GRM1: variants seen among roughly 807,000 people sequenced by gnomAD.
GRM1 encodes metabotropic glutamate receptor 1.
In GRM1, 33 loss-of-function variants were observed where a neutral mutation model predicts 90.9. The observed-to-expected ratio is 0.36, with a 90% CI of 0.28 to 0.49. The LOEUF is 0.49. Among genes scored for constraint, GRM1 ranks in the 20% least tolerant of loss-of-function variants. GRM1 has a pLI of 0.99. For synonymous variants in GRM1, 700 were observed against 613.2 expected (o/e 1.14, Z -2.09); for missense variants, 1,190 against 1,534.3 (o/e 0.78, Z 3.75).
At chr6:146,340,049 C>T (rs527590646) in intron 3 of GRM1, among the ~76,000 whole-genome samples, 19 of 152,284 alleles carry the variant, frequency 1.2e-4, no homozygotes, top group Admixed American at 1.2e-3. Flanking sequence ...GACTATGACT[C>T]AGCAGTCGTT....
At chr6:146,245,376 G>A (rs1781020890) in intron 2 of GRM1, among the ~76,000 whole-genome samples, 1 of 152,040 alleles carries the variant, frequency 6.6e-6, no homozygotes, top group Non-Finnish European at 1.5e-5. Context: ...CAAAACATTA[G>A]GCATGAAATT....
chr6:146,215,624 T>G (rs1456724413), intron 2 of GRM1, among the ~76,000 whole-genome samples: 8 of 149,672 alleles, frequency 5.3e-5, no homozygotes, highest in Admixed American at 5.3e-4. Flanking sequence ...TTTAAAAATG[T>G]GTTTTATCAT....
chr6:146,205,672 C>A (rs1779470500), intron 2 of GRM1, among the ~76,000 whole-genome samples: 1 of 152,166 alleles, frequency 6.6e-6, no homozygotes, highest in Non-Finnish European at 1.5e-5. Flanking sequence ...TTAGAAATGG[C>A]ACATTAAAAC....
In GRM1 at chr6:146,122,816, TTTTTCTTTC is replaced by T. The variant is rs1776039917; in HGVS notation, c.701-36523_701-36515del. ...AAGTTTTCTGTGATTTCTTTTTTTC[TTTTTCTTTC>T]TTTTCTTTTCTTTCTTTTTTTTTTT... is the stretch of plus-strand genomic sequence containing the variant. On this transcript the variant is annotated intron_variant, in intron 1 of 7. Coordinates refer to ENST00000282753, the MANE Select transcript of GRM1 (RefSeq NM_001278064.2). 2.7e-5 allele frequency among the ~76,000 whole-genome samples: 4 copies of T among 150,272 alleles called. No homozygotes were observed. The South Asian group carries it at 8.4e-4, about 31-fold the overall frequency.
intron 3 of GRM1, among the ~76,000 whole-genome samples, chr6:146,349,279 C>T (rs1785303565): frequency 1.3e-5 from 2 of 148,834 alleles, no homozygotes; most frequent in Admixed American, 1.3e-4. Context: ...TACGGGGTTT[C>T]ACTGTGTTTG....
At chr6:146,085,956 GT>G (rs1230616202) in intron 1 of GRM1, among the ~76,000 whole-genome samples, 24 of 152,118 alleles carry the variant, frequency 1.6e-4, no homozygotes. Context: ...ATTTGAGAAA[GT>G]TATTGCTTTG....
chr6:146,309,141 G>A (rs1271753359), intron 3 of GRM1, among the ~76,000 whole-genome samples: 1 of 152,132 alleles, frequency 6.6e-6, no homozygotes, highest in African/African-American at 2.4e-5. Flanking sequence ...GCTCATGCCT[G>A]TAATCTCAGT....
At chr6:146,051,358 T>A (rs1775282714) in intron 1 of GRM1, among the ~76,000 whole-genome samples, 1 of 152,042 alleles carries the variant, frequency 6.6e-6, no homozygotes, top group African/African-American at 2.4e-5. Context: ...TGGAAGTGAC[T>A]TCCCCTCCAT....
intron 1 of GRM1, among the ~76,000 whole-genome samples, chr6:146,130,026 G>GA (rs562458428): frequency 7.2e-5 from 11 of 151,730 alleles, no homozygotes; most frequent in East Asian, 1.9e-4. Flanking sequence ...GCAATTGTAG[G>GA]AAAAAAATGC....
intron 1 of GRM1, among the ~76,000 whole-genome samples, chr6:146,118,541 A>G (rs1470178572): frequency 6.6e-6 from 1 of 152,196 alleles, no homozygotes; most frequent in Non-Finnish European, 1.5e-5. Context: ...GCACCCACCC[A>G]TTAACTCGTC....
At chr6:146,093,613 T>C (rs1776780544) in intron 1 of GRM1, among the ~76,000 whole-genome samples, 1 of 152,098 alleles carries the variant, frequency 6.6e-6, no homozygotes, top group African/African-American at 2.4e-5. Flanking sequence ...CCTCTCTTTT[T>C]TTCTTTTATT....
chr6:146,089,688 G>C (rs926184370), intron 1 of GRM1, among the ~76,000 whole-genome samples: 1 of 152,034 alleles, frequency 6.6e-6, no homozygotes, highest in African/African-American at 2.4e-5. Context: ...TTTAATAGGT[G>C]ATGCCAGGTT....
At chr6:146,081,402 C>G (rs1776360254) in intron 1 of GRM1, among the ~76,000 whole-genome samples, 1 of 152,114 alleles carries the variant, frequency 6.6e-6, no homozygotes, top group Admixed American at 6.5e-5. Flanking sequence ...AAAAGAGCAG[C>G]CCTGCAGTAC....
At chr6:146,203,661 C>T (rs1447144792) in intron 2 of GRM1, among the ~76,000 whole-genome samples, 2 of 152,082 alleles carry the variant, frequency 1.3e-5, no homozygotes, top group Non-Finnish European at 1.5e-5. Flanking sequence ...CTTGATGGCA[C>T]CCAAGATAAT....
chr6:146,082,528 G>T (rs1776399513), intron 1 of GRM1, among the ~76,000 whole-genome samples: 1 of 152,056 alleles, frequency 6.6e-6, no homozygotes, highest in Non-Finnish European at 1.5e-5. Context: ...TTTGAAGTAA[G>T]AATCCCATGT....
chr6:146,260,804 G>GTTTTTTTT lies in GRM1; in HGVS notation c.951-43781_951-43774dup, dbSNP rs56956724. ...CCCATTTTTTAATTAGGTTATTTGG[G>GTTTTTTTT]TTTTTTTTTTTTTTTTTTTTTTTTT... On this transcript the variant is annotated intron_variant, in intron 2 of 7. Transcript: ENST00000282753. 1.8e-3 allele frequency among the ~76,000 whole-genome samples: 40 copies of GTTTTTTTT among 22,740 alleles called. 3 individuals are homozygous for GTTTTTTTT. The highest frequency in any genetic ancestry group is 3.2e-3 in the African/African-American group (19 of 5,910). 14.9% of individuals were successfully genotyped at this position (22,740 alleles called of 152,430 possible). A position where few individuals can be genotyped will look rare whatever the true frequency, so the allele number is the denominator to read the frequency against.
At chr6:146,165,718 C>G (rs1025649853) in intron 2 of GRM1, among the ~76,000 whole-genome samples, 6 of 152,040 alleles carry the variant, frequency 3.9e-5, no homozygotes, top group Non-Finnish European at 8.8e-5. Flanking sequence ...TAGAAAAAGA[C>G]TGAGAAATGT....
intron 5 of GRM1, among the ~76,000 whole-genome samples, chr6:146,361,741 A>G (rs1046872671): frequency 6.6e-6 from 1 of 152,224 alleles, no homozygotes; most frequent in South Asian, 2.1e-4. Flanking sequence ...TCTCAGCTAG[A>G]AAGTGCCAAA....
chr6:146,433,724 T>C, intron 7 of GRM1, 148 bp from the exon 8 acceptor site: 1 of 667,236 alleles, frequency 1.5e-6, no homozygotes, highest in Non-Finnish European at 2.7e-6. Flanking sequence ...GTTCTTTTTG[T>C]AAGAGGAGGT....
Sources: allele counts gnomAD v4.1 joint callset (sites outside exome capture counted in the v4.1 genomes callset), GRCh38; gene constraint gnomAD v4.1.1; transcripts MANE v1.5; gene names NCBI Gene and HGNC (gene_info 2026-07-23, HGNC 2026-07-21).